The following PPM1E variants were observed in gnomAD, a reference collection of about 807,000 sequenced individuals.
PPM1E encodes the protein protein phosphatase, Mg2+/Mn2+ dependent 1E, also known as protein phosphatase 1E.
A neutral mutation model predicts 65.9 loss-of-function variants in PPM1E; 20 were observed. The ratio of observed to expected loss-of-function variants is 0.30; its 90% CI spans 0.21 to 0.44. The LOEUF is 0.44. Among genes scored for constraint, PPM1E ranks in the 20% least tolerant of loss-of-function variants. PPM1E has a pLI of 1.00. For missense variants in PPM1E, 713 were observed against 953.1 expected, an observed-to-expected ratio of 0.75 and a Z score of 3.32; for synonymous variants, 352 against 374.9, an observed-to-expected ratio of 0.94 and a Z score of 0.70.
chr17:58,878,979 T>C (rs1276431449), intron 1 of PPM1E, among the ~76,000 whole-genome samples: 3 of 152,090 alleles, frequency 2.0e-5, no homozygotes, highest in Non-Finnish European at 1.5e-5. Flanking sequence ...TGATTTTATT[T>C]TCCTCACCTT....
intron 1 of PPM1E, among the ~76,000 whole-genome samples, chr17:58,881,791 C>T (rs530472787): frequency 6.9e-4 from 104 of 151,546 alleles, no homozygotes; most frequent in Non-Finnish European, 9.4e-4. Flanking sequence ...TACATTGAGC[C>T]GAGATTGTGC....
intron 1 of PPM1E, among the ~76,000 whole-genome samples, chr17:58,846,616 C>T (rs978208612): frequency 6.6e-6 from 1 of 152,186 alleles, no homozygotes; most frequent in African/African-American, 2.4e-5. Flanking sequence ...TTTTTTATGG[C>T]TGCATAGTAT....
chr17:58,923,911 CTTT>C (rs751578623), intron 1 of PPM1E, among the ~76,000 whole-genome samples: 30 of 64,848 alleles, frequency 4.6e-4, no homozygotes, highest in South Asian at 3.5e-3. Flanking sequence ...AAGACCCCCT[CTTT>C]TTTTTTTTTT....
Position 58,952,975 on chromosome 17 carries a change from G to A in PPM1E, c.465-2674G>A, listed in dbSNP as rs9906626. 9.3e-4 allele frequency among the ~76,000 whole-genome samples: 141 copies of A among 152,146 alleles called. 1 individual carries two copies. Among genetic ancestry groups the A allele is most frequent in the African/African-American group, 3.3e-3 (138 of 41,530 alleles). ...AGGCATGAGCCACCACCCCCGACCT[G>A]GAGTACTAGTTTCTTAATGACAGCT... On this transcript the variant is annotated intron_variant, in intron 1 of 6. Coordinates refer to ENST00000308249, the MANE Select transcript of PPM1E (RefSeq NM_014906.5).
chr17:58,951,879 G>A (rs2052244700), intron 1 of PPM1E, among the ~76,000 whole-genome samples: 3 of 152,072 alleles, frequency 2.0e-5, no homozygotes, highest in African/African-American at 7.2e-5. Context: ...TTTGTTCCTG[G>A]AAAATTATTG....
intron 1 of PPM1E, among the ~76,000 whole-genome samples, chr17:58,831,004 C>T (rs144052042): frequency 1.5e-5 from 2 of 135,886 alleles, no homozygotes; most frequent in Admixed American, 7.5e-5. Flanking sequence ...CTTACTTTAT[C>T]TTTTTTTTTT....
intron 1 of PPM1E, among the ~76,000 whole-genome samples, chr17:58,947,487 T>C (rs1460901061): frequency 6.6e-6 from 1 of 151,802 alleles, no homozygotes; most frequent in Admixed American, 6.6e-5. Flanking sequence ...TCCACCCACC[T>C]TGGCCTCCCA....
intron 1 of PPM1E, among the ~76,000 whole-genome samples, chr17:58,868,277 C>G (rs2143332388): frequency 6.6e-6 from 1 of 152,270 alleles, no homozygotes; most frequent in African/African-American, 2.4e-5. Context: ...CAAGATTGCA[C>G]TACTGCAATT....
chr17:58,827,920 T>G (rs868500937), intron 1 of PPM1E, among the ~76,000 whole-genome samples: 1 of 118,776 alleles, frequency 8.4e-6, no homozygotes, highest in Non-Finnish European at 1.8e-5. Context: ...AAAATAATAA[T>G]AATAATAATA....
intron 1 of PPM1E, among the ~76,000 whole-genome samples, chr17:58,869,531 C>T (rs956713053): frequency 3.3e-5 from 5 of 152,200 alleles, no homozygotes; most frequent in African/African-American, 1.2e-4. Flanking sequence ...TCTCTGCACA[C>T]CAGCTCCCCT....
intron 1 of PPM1E, among the ~76,000 whole-genome samples, chr17:58,817,084 A>G (rs1482031186): frequency 6.6e-6 from 1 of 151,946 alleles, no homozygotes; most frequent in Non-Finnish European, 1.5e-5. Context: ...GCGAGCCACC[A>G]TGCCTAGCCT....
intron 1 of PPM1E, among the ~76,000 whole-genome samples, chr17:58,853,165 A>G (rs1437587865): frequency 6.6e-6 from 1 of 152,186 alleles, no homozygotes; most frequent in Non-Finnish European, 1.5e-5. Flanking sequence ...TATCTAAGAA[A>G]GCATTGCTAC....
chr17:58,865,583 C>T (rs1206491589), intron 1 of PPM1E, among the ~76,000 whole-genome samples: 1 of 151,958 alleles, frequency 6.6e-6, no homozygotes, highest in Non-Finnish European at 1.5e-5. Flanking sequence ...ACTTGTAGTT[C>T]GATTTACTCA....
intron 1 of PPM1E, among the ~76,000 whole-genome samples, chr17:58,889,515 C>A (rs1017486559): frequency 6.6e-6 from 1 of 152,162 alleles, no homozygotes; most frequent in Admixed American, 6.5e-5. Context: ...AGGAGAATCG[C>A]TTGAACCCAG....
At chr17:58,773,390 T>A (rs2049959577) in intron 1 of PPM1E, among the ~76,000 whole-genome samples, 1 of 152,162 alleles carries the variant, frequency 6.6e-6, no homozygotes, top group East Asian at 1.9e-4. Flanking sequence ...GATAATTTTT[T>A]ATTAGTTTAA....
chr17:58,967,824 G>A (rs1307622061), intron 3 of PPM1E, among the ~76,000 whole-genome samples: 2 of 142,994 alleles, frequency 1.4e-5, no homozygotes, highest in African/African-American at 2.6e-5. Context: ...TTTTTGAAAC[G>A]GAGTCTCGCT....
chr17:58,869,389 A>G (rs1219117761), intron 1 of PPM1E, among the ~76,000 whole-genome samples: 1 of 152,182 alleles, frequency 6.6e-6, no homozygotes, highest in Non-Finnish European at 1.5e-5. Context: ...TCATGGGGGC[A>G]GATCATTTGT....
intron 1 of PPM1E, among the ~76,000 whole-genome samples, chr17:58,869,264 A>G (rs1238407055): frequency 2.0e-5 from 3 of 152,106 alleles, no homozygotes; most frequent in African/African-American, 4.8e-5. Context: ...TTTTTCCCCA[A>G]ATCTTTCATA....
At chr17:58,760,561 A>G (rs757645020) in intron 1 of PPM1E, among the ~76,000 whole-genome samples, 13 of 152,014 alleles carry the variant, frequency 8.6e-5, no homozygotes, top group South Asian at 2.1e-4. Context: ...TCTGCAATAT[A>G]TTTTCCCCAG....
Sources: allele counts gnomAD v4.1 joint callset (sites outside exome capture counted in the v4.1 genomes callset), GRCh38; gene constraint gnomAD v4.1.1; transcripts MANE v1.5; gene names NCBI Gene and HGNC (gene_info 2026-07-23, HGNC 2026-07-21).